The following RARB variants were observed in gnomAD, a reference collection of about 807,000 sequenced individuals.
The protein encoded by RARB is retinoic acid receptor beta.
In RARB, 17 loss-of-function variants were observed where a neutral mutation model predicts 51.9. The observed-to-expected ratio is 0.33, with a 90% CI of 0.22 to 0.49. The LOEUF (loss-of-function observed/expected upper bound fraction) is 0.49. Among genes scored for constraint, RARB ranks in the 20% least tolerant of loss-of-function variants. RARB has a pLI of 0.99. For synonymous variants in RARB, 215 were observed against 195.4 expected, an observed-to-expected ratio of 1.10 and a Z score of -0.84; for missense variants, 369 against 550.8, an observed-to-expected ratio of 0.67 and a Z score of 3.30.
chr3:25,534,743 C>T (rs938929533), intron 3 of RARB, among the ~76,000 whole-genome samples: 2 of 152,168 alleles, frequency 1.3e-5, no homozygotes, highest in African/African-American at 4.8e-5. Flanking sequence ...TCCAAAGAGT[C>T]CTTACCTGTT....
chr3:25,031,129 C>A (rs1382302057), intron 2 of RARB, among the ~76,000 whole-genome samples: 3 of 152,178 alleles, frequency 2.0e-5, no homozygotes, highest in African/African-American at 4.8e-5. Context: ...CCTCAACTCA[C>A]TAGGTGCCAC....
At chr3:25,002,748 CTGTGTG>C (rs67576318) in intron 2 of RARB, among the ~76,000 whole-genome samples, 2 of 150,356 alleles carry the variant, frequency 1.3e-5, no homozygotes, top group Admixed American at 6.6e-5. Context: ...AAGACATATT[CTGTGTG>C]TGTGTGTATA....
chr3:25,034,987 T>C (rs567293909), intron 2 of RARB, among the ~76,000 whole-genome samples: 1 of 152,218 alleles, frequency 6.6e-6, no homozygotes, highest in South Asian at 2.1e-4. Context: ...AGGCTGCACA[T>C]GCCTTGCCAT....
chr3:25,089,304 G>A (rs546982876), intron 3 of RARB, among the ~76,000 whole-genome samples: 1 of 152,080 alleles, frequency 6.6e-6, no homozygotes, highest in East Asian at 1.9e-4. Flanking sequence ...ATAATGCCAA[G>A]ACCAGAGTAA....
intron 4 of RARB, among the ~76,000 whole-genome samples, chr3:25,570,845 C>G (rs932199464): frequency 1.3e-5 from 2 of 151,882 alleles, no homozygotes; most frequent in Admixed American, 1.3e-4. Flanking sequence ...AAACAAAATC[C>G]AAATATTGTA....
At chr3:25,347,384 A>G (rs1377189604) in intron 5 of RARB, among the ~76,000 whole-genome samples, 2 of 152,222 alleles carry the variant, frequency 1.3e-5, no homozygotes, top group South Asian at 2.1e-4. Context: ...GTCCTGAGCT[A>G]TGGTATATCC....
intron 2 of RARB, among the ~76,000 whole-genome samples, chr3:25,042,754 C>A (rs1698138489): frequency 6.6e-6 from 1 of 152,240 alleles, no homozygotes; most frequent in Admixed American, 6.5e-5. Flanking sequence ...TGTCTGTTCA[C>A]TTCCAAGTTC....
At chr3:24,837,491 A>C (rs577780551) in intron 1 of RARB, among the ~76,000 whole-genome samples, 5 of 152,238 alleles carry the variant, frequency 3.3e-5, no homozygotes, top group African/African-American at 4.8e-5. Flanking sequence ...TTGATAATTT[A>C]ATAAAGAAGT....
intron 3 of RARB, among the ~76,000 whole-genome samples, chr3:25,064,864 CA>C (rs1270497700): frequency 6.6e-6 from 1 of 152,112 alleles, no homozygotes; most frequent in Non-Finnish European, 1.5e-5. Flanking sequence ...AGGTAGTGAT[CA>C]AATGTCATAA....
In RARB at chr3:24,864,479, C is replaced by A. The variant is rs1702813089; in HGVS notation, c.-380+5727C>A. Reference sequence around the variant, plus strand: ...ATGCCATTTTAGTAAGCACCTTATTCTGTCTTCTGAATCTATACTTCCAGC... The same window carrying A: ...ATGCCATTTTAGTAAGCACCTTATTATGTCTTCTGAATCTATACTTCCAGC... On this transcript the variant is annotated intron_variant, in intron 2 of 11. Transcript: ENST00000383772. Among the ~76,000 whole-genome samples the A allele has an allele frequency of 2.0e-5, 3 of 152,182 alleles. No homozygotes were observed. The South Asian group carries it at 6.2e-4, about 31-fold the overall frequency.
At chr3:25,553,601 C>T (rs1304965691) in intron 3 of RARB, among the ~76,000 whole-genome samples, 1 of 152,098 alleles carries the variant, frequency 6.6e-6, no homozygotes, top group Non-Finnish European at 1.5e-5. Context: ...ATCAATAAAC[C>T]CCCTTGGAGT....
chr3:25,184,494 A>G (rs1164589979), intron 5 of RARB, among the ~76,000 whole-genome samples: 1 of 152,112 alleles, frequency 6.6e-6, no homozygotes, highest in Non-Finnish European at 1.5e-5. Flanking sequence ...GTTGAACCAC[A>G]ATTGATGTTA....
chr3:25,133,190 G>T (rs554751142), intron 4 of RARB, among the ~76,000 whole-genome samples: 1 of 152,056 alleles, frequency 6.6e-6, no homozygotes, highest in African/African-American at 2.4e-5. Flanking sequence ...TTATTAAGAT[G>T]TTCGTAAATA....
At chr3:25,377,409 G>A (rs1001090641) in intron 5 of RARB, among the ~76,000 whole-genome samples, 1 of 152,180 alleles carries the variant, frequency 6.6e-6, no homozygotes, top group Admixed American at 6.5e-5. Flanking sequence ...CAGTCCTAAT[G>A]CAATGGCAGC....
chr3:25,447,774 G>A (rs1429046179), intron 1 of RARB, among the ~76,000 whole-genome samples: 3 of 152,108 alleles, frequency 2.0e-5, no homozygotes, highest in Non-Finnish European at 4.4e-5. Flanking sequence ...ACAGCTGAGA[G>A]AGGGAAAACT....
intron 2 of RARB, among the ~76,000 whole-genome samples, chr3:24,871,660 T>C (rs1702950623): frequency 1.3e-5 from 2 of 152,188 alleles, no homozygotes; most frequent in Non-Finnish European, 2.9e-5. Context: ...ATCCAGCTTC[T>C]ACTTAGTATC....
intron 3 of RARB, among the ~76,000 whole-genome samples, chr3:25,126,993 A>G (rs1312665721): frequency 6.6e-6 from 1 of 152,040 alleles, no homozygotes; most frequent in Non-Finnish European, 1.5e-5. Context: ...AGTTCTATCA[A>G]AATCCACCCC....
chr3:25,127,695 G>A (rs765946416), intron 3 of RARB, among the ~76,000 whole-genome samples: 3 of 152,028 alleles, frequency 2.0e-5, no homozygotes, highest in African/African-American at 4.8e-5. Context: ...AAGGAGGGAG[G>A]GAGGAAGGCA....
At chr3:25,212,042 T>C (rs1343297736) in intron 5 of RARB, among the ~76,000 whole-genome samples, 3 of 152,206 alleles carry the variant, frequency 2.0e-5, no homozygotes, top group African/African-American at 7.2e-5. Context: ...TGGGTATTTC[T>C]GTTTAGTGGG....
Sources: allele counts gnomAD v4.1 joint callset (sites outside exome capture counted in the v4.1 genomes callset), GRCh38; gene constraint gnomAD v4.1.1; transcripts MANE v1.5; gene names NCBI Gene and HGNC (gene_info 2026-07-23, HGNC 2026-07-21).